The following STIMATE variants were observed in gnomAD, a reference collection of about 807,000 sequenced individuals.
STIMATE encodes STIM activating enhancer.
STIMATE carries 15 observed loss-of-function variants against 36.7 expected under a neutral mutation model. The observed-to-expected ratio is 0.41, with a 90% CI of 0.27 to 0.63. The LOEUF (loss-of-function observed/expected upper bound fraction) is 0.63, where lower values mean the gene tolerates loss of function less well. Ranked by LOEUF, STIMATE falls within the 20% of genes least tolerant of loss-of-function variation. The pLI, the probability that STIMATE is intolerant of heterozygous loss-of-function variation, is 0.32. For missense variants in STIMATE, 305 were observed against 397.3 expected (o/e 0.77, Z 1.98); for synonymous variants, 163 against 162.3 (o/e 1.00, Z -0.03).
chr3:52,856,231 G>A (rs1177342611), intron 1 of STIMATE, among the ~76,000 whole-genome samples: 19 of 152,330 alleles, frequency 1.2e-4, no homozygotes, highest in Admixed American at 1.1e-3. Flanking sequence ...CCTCCTGGAG[G>A]AGCGGCAGGT....
chr3:52,889,353 C>T (rs550746030), intron 1 of STIMATE, among the ~76,000 whole-genome samples: 1 of 152,290 alleles, frequency 6.6e-6, no homozygotes, highest in South Asian at 2.1e-4. Flanking sequence ...GCCCACACCT[C>T]GAGAGCTGCA....
At chr3:52,845,060 T>A in intron 4 of STIMATE, 119 bp from the exon 5 acceptor site, 1 of 931,470 alleles carries the variant, frequency 1.1e-6, no homozygotes, top group Non-Finnish European at 1.5e-6. Flanking sequence ...TAAAGGTACT[T>A]AATGAGCCCC....
intron 1 of STIMATE, among the ~76,000 whole-genome samples, chr3:52,866,036 T>C (rs1295206876): frequency 6.6e-6 from 1 of 152,180 alleles, no homozygotes; most frequent in African/African-American, 2.4e-5. Flanking sequence ...GCCATCTCAT[T>C]TACTCTATGA....
chr3:52,847,799 A>C (rs543501373), intron 4 of STIMATE, among the ~76,000 whole-genome samples: 20 of 152,276 alleles, frequency 1.3e-4, no homozygotes, highest in African/African-American at 4.8e-4. Context: ...AGACAGGGAG[A>C]GTGTTCTGAG....
At chr3:52,842,781 T>C in intron 7 of STIMATE, 30 bp downstream of exon 7, 2 of 1,613,618 alleles carry the variant, frequency 1.2e-6, no homozygotes, top group Non-Finnish European at 1.7e-6. Flanking sequence ...TACGACGGCT[T>C]GGGCCCTTGG....
intron 1 of STIMATE, among the ~76,000 whole-genome samples, chr3:52,886,070 GC>G (rs777024281): frequency 5.3e-4 from 80 of 152,090 alleles, no homozygotes; most frequent in Non-Finnish European, 9.0e-4. Context: ...CCAGGACAAG[GC>G]CCATGGACTC....
chr3:52,878,280 C>A (rs12492391), intron 1 of STIMATE, among the ~76,000 whole-genome samples: 50,864 of 148,978 alleles, frequency 0.34, 9,129 homozygotes, highest in Admixed American at 0.48. Flanking sequence ...ACAGGCTGTA[C>A]CATCTCTGTT....
chr3:52,874,516 T>A (rs1383452236), intron 1 of STIMATE, among the ~76,000 whole-genome samples: 2 of 152,206 alleles, frequency 1.3e-5, no homozygotes, highest in Non-Finnish European at 2.9e-5. Flanking sequence ...TGCTATGTCT[T>A]TTCATAATGT....
rs148106255 is a variant in STIMATE at position 52,845,443 on chromosome 3, G to A, written c.428-502C>T. On this transcript the variant is annotated intron_variant, in intron 4 of 7. Coordinates refer to ENST00000355083, the MANE Select transcript of STIMATE (RefSeq NM_198563.5). Reference sequence around the variant, plus strand: ...CCTCCCATCCCTTACCCAACTCCCCGGGCCATCCCTGATACCTCAGCCTCT... The same window carrying A: ...CCTCCCATCCCTTACCCAACTCCCCAGGCCATCCCTGATACCTCAGCCTCT... Among the ~76,000 whole-genome samples, 255 of 149,420 alleles carry A rather than the reference G, an allele frequency of 1.7e-3. 1 individual carries two copies. Among genetic ancestry groups the A allele is most frequent in the African/African-American group, 5.9e-3 (240 of 40,922 alleles).
intron 4 of STIMATE, among the ~76,000 whole-genome samples, chr3:52,845,147 T>C (rs984726246): frequency 2.0e-5 from 3 of 152,194 alleles, no homozygotes; most frequent in African/African-American, 7.2e-5. Flanking sequence ...ATTCCTTATT[T>C]GAAGATACTA....
intron 1 of STIMATE, among the ~76,000 whole-genome samples, chr3:52,894,450 C>T (rs2106740472): frequency 6.6e-6 from 1 of 152,290 alleles, no homozygotes; most frequent in South Asian, 2.1e-4. Flanking sequence ...AGAAGTCTAT[C>T]AAAGCACCAG....
intron 1 of STIMATE, among the ~76,000 whole-genome samples, chr3:52,875,435 T>C (rs1188594429): frequency 1.3e-5 from 2 of 152,156 alleles, no homozygotes; most frequent in Non-Finnish European, 2.9e-5. Flanking sequence ...CTCTGCCTCC[T>C]AGTCAGAGGA....
At chr3:52,854,919 G>A (rs767590663) in intron 2 of STIMATE, among the ~76,000 whole-genome samples, 1 of 152,194 alleles carries the variant, frequency 6.6e-6, no homozygotes, top group Non-Finnish European at 1.5e-5. Flanking sequence ...CATATATTTG[G>A]TGTCAGAAGT....
rs964149038 is a variant in STIMATE at position 52,875,772 on chromosome 3, A to G, written c.161-20328T>C. On this transcript the variant is annotated intron_variant, in intron 1 of 7. Coordinates refer to ENST00000355083, the MANE Select transcript of STIMATE (RefSeq NM_198563.5). ...CCCCAGTGCAGTAGGTTTCATTCATAAAGATGATTACACCTGCCCTCTTGA... is the reference window on the plus strand; with the variant it reads ...CCCCAGTGCAGTAGGTTTCATTCATGAAGATGATTACACCTGCCCTCTTGA... Among the ~76,000 whole-genome samples the G allele has an allele frequency of 7.9e-5, 12 of 152,218 alleles. No homozygotes were observed. The East Asian group carries it at 2.3e-3, about 29-fold the overall frequency.
chr3:52,892,137 C>T (rs985788738), intron 1 of STIMATE, among the ~76,000 whole-genome samples: 2 of 152,112 alleles, frequency 1.3e-5, no homozygotes, highest in African/African-American at 4.8e-5. Flanking sequence ...ATACTAACTG[C>T]AAAAGACTTT....
chr3:52,841,347 G>A (rs1434116437), intron 7 of STIMATE, among the ~76,000 whole-genome samples: 2 of 152,250 alleles, frequency 1.3e-5, no homozygotes, highest in Non-Finnish European at 2.9e-5. Context: ...TCTGTGGGCA[G>A]GGGGAGTTCA....
At chr3:52,863,663 G>A (rs1701254965) in intron 1 of STIMATE, among the ~76,000 whole-genome samples, 2 of 152,168 alleles carry the variant, frequency 1.3e-5, no homozygotes, top group African/African-American at 4.8e-5. Context: ...AGTCTCATCT[G>A]AGACAAGGCA....
intron 1 of STIMATE, among the ~76,000 whole-genome samples, chr3:52,873,554 AGC>A (rs1701445548): frequency 6.6e-6 from 1 of 152,216 alleles, no homozygotes; most frequent in Non-Finnish European, 1.5e-5. Context: ...TACCAAGGGT[AGC>A]CTCAGTGAAC....
chr3:52,897,002 G>A (rs1028433294), intron 1 of STIMATE, among the ~76,000 whole-genome samples: 2 of 152,176 alleles, frequency 1.3e-5, no homozygotes, highest in Admixed American at 1.3e-4. Flanking sequence ...GCTGGGAAGT[G>A]GGGTAACAAT....
Sources: gnomAD v4.1 joint callset for allele counts (sites outside exome capture counted in the v4.1 genomes callset) on GRCh38, gnomAD v4.1.1 for gene constraint, MANE v1.5 for transcripts, NCBI Gene and HGNC (gene_info 2026-07-23, HGNC 2026-07-21) for gene names.